Variants in SMARCA5 observed in about 807,000 individuals in gnomAD.
SMARCA5 encodes the protein SNF2 related chromatin remodeling ATPase 5, also known as SWI/SNF-related matrix-associated actin-dependent regulator of chromatin subfamily A member 5.
A neutral mutation model predicts 140.4 loss-of-function variants in SMARCA5; 18 were observed. The ratio of observed to expected loss-of-function variants is 0.13; its 90% CI spans 0.09 to 0.19. The LOEUF is 0.19. Among genes scored for constraint, SMARCA5 ranks in the 10% least tolerant of loss-of-function variants. The probability of loss-of-function intolerance (pLI) is 1.00; values close to 1 mark genes in which losing one functional copy is unlikely to be tolerated. For missense variants in SMARCA5, 606 were observed against 1,276.8 expected, an observed-to-expected ratio of 0.47 and a Z score of 8.01; for synonymous variants, 449 against 419.6, an observed-to-expected ratio of 1.07 and a Z score of -0.86.
At chr4:143,525,045 C>CTT (rs57339802) in intron 4 of SMARCA5, among the ~76,000 whole-genome samples, 2 of 137,592 alleles carry the variant, frequency 1.5e-5, no homozygotes, top group Non-Finnish European at 3.2e-5. Context: ...TTTCCTATTT[C>CTT]TTTTTTTTTT....
intron 8 of SMARCA5, 80 bp downstream of exon 8, chr4:143,528,794 C>A: frequency 7.8e-7 from 1 of 1,277,654 alleles, no homozygotes; most frequent in Non-Finnish European, 1.1e-6. Flanking sequence ...AGTGGCCTGC[C>A]TTTTAGCATG....
At position 143,513,817 on chromosome 4, in the gene SMARCA5, T is replaced by G; in HGVS notation, c.-108T>G. The G allele has an allele frequency of 1.5e-6, 2 of 1,303,018 alleles. No individual in the cohort carries two copies. The highest frequency in any genetic ancestry group is 2.1e-6 in the Non-Finnish European group (2 of 964,372). The allele number at this position is 1,303,018 out of a possible 1,614,324, so 80.7% of individuals were successfully genotyped here. A position where few individuals can be genotyped will look rare whatever the true frequency, so the allele number is the denominator to read the frequency against. On this transcript the variant is annotated 5_prime_UTR_variant, in exon 1 of 24. Coordinates refer to ENST00000283131, the MANE Select transcript of SMARCA5 (RefSeq NM_003601.4). The stretch of plus-strand genomic sequence containing the variant: ...GCAGGGGAGCGCTCGGGTGGGAGTC[T>G]CGCTCCTCCACCAGTTTATTGCGAC...
chr4:143,533,333 T>C (rs1292636515), intron 9 of SMARCA5, among the ~76,000 whole-genome samples: 1 of 152,124 alleles, frequency 6.6e-6, no homozygotes, highest in East Asian at 1.9e-4. Flanking sequence ...TCTAGAGTGT[T>C]CTATTTGGGT....
In SMARCA5 at chr4:143,544,737, A is replaced by C; in HGVS notation, c.2173A>C (p.Ile725Leu). Residue 725 changes from isoleucine (I) to leucine (L), a missense_variant and splice_region_variant, in exon 17 of 24, where the codon ATT becomes CTT. Coordinates refer to ENST00000283131, the MANE Select transcript of SMARCA5 (RefSeq NM_003601.4). Reference protein sequence around the residue: ...EGEDYREKQKIAFTEWIEPPK... With the variant: ...EGEDYREKQKLAFTEWIEPPK... The stretch of plus-strand genomic sequence containing the variant: ...ATTTGAGTTGTTTCCCATGTGCTAG[A>C]TTGCATTCACAGAGTGGATTGAACC... The C allele has an allele frequency of 6.3e-7, 1 of 1,575,274 alleles. No individual in the cohort carries two copies. Among genetic ancestry groups the C allele is most frequent in the Non-Finnish European group, 8.7e-7 (1 of 1,150,200 alleles).
Position 143,528,097 on chromosome 4 carries a change from CT to C in SMARCA5, c.957+77del, listed in dbSNP as rs560853195. On this transcript the variant is annotated intron_variant, in intron 7 of 23. Transcript: ENST00000283131. Reference sequence around the variant, plus strand: ...AAGTACAGATTTTTTTTTCTTTTAACTTTAAGTTATGAGATACATGTGCAGA... The same window carrying C: ...AAGTACAGATTTTTTTTTCTTTTAACTTAAGTTATGAGATACATGTGCAGA... 1.7e-3 allele frequency: 2,076 copies of C among 1,208,802 alleles called. 3 individuals carry two copies. The highest frequency in any genetic ancestry group is 2.1e-3 in the Non-Finnish European group (1,901 of 893,246). The allele number at this position is 1,208,802 out of a possible 1,614,324, so 74.9% of individuals were successfully genotyped here. A position where few individuals can be genotyped will look rare whatever the true frequency, so the allele number is the denominator to read the frequency against.
Position 143,555,417 on chromosome 4 carries a change from T to C in SMARCA5, c.*2233T>C. ...AAGCCACCACGATCACAGAACTTGA[T>C]GACTGTATTTGTGACTAATTGTATA... On this transcript the variant is annotated 3_prime_UTR_variant, in exon 24 of 24. Coordinates refer to ENST00000283131, the MANE Select transcript of SMARCA5 (RefSeq NM_003601.4). 1.6e-6 allele frequency: 1 copy of C among 632,368 alleles called. No individual in the cohort carries two copies. Among genetic ancestry groups the C allele is most frequent in the Non-Finnish European group, 2.9e-6 (1 of 341,004 alleles). The allele number at this position is 632,368 out of a possible 1,614,324, so 39.2% of individuals were successfully genotyped here. A position where few individuals can be genotyped will look rare whatever the true frequency, so the allele number is the denominator to read the frequency against.
rs927502241 is a variant in SMARCA5 at position 143,528,005 on chromosome 4, C to A, written c.939C>A (p.Ile313=). Residue 313 remains isoleucine, a synonymous_variant, in exon 7 of 24, where the codon ATC becomes ATA. Coordinates refer to ENST00000283131, the MANE Select transcript of SMARCA5 (RefSeq NM_003601.4). ...TAGTAATAGATGAAGCTCACAGGATCAAAAATGAAAAATCTAAGGTAATTT... is the reference window on the plus strand; with the variant it reads ...TAGTAATAGATGAAGCTCACAGGATAAAAAATGAAAAATCTAAGGTAATTT... ...RYLVIDEAHR[I]KNEKSKLSEI... The A allele has an allele frequency of 1.3e-6, 2 of 1,564,188 alleles. No homozygotes were observed. The highest frequency in any genetic ancestry group is 1.2e-5 in the South Asian group (1 of 82,360).
intron 5 of SMARCA5, 93 bp from the exon 6 acceptor site, chr4:143,526,187 CA>C: frequency 1.0e-6 from 1 of 988,534 alleles, no homozygotes. Context: ...AAATATGTAG[CA>C]TTTCTTTTGA....
intron 23 of SMARCA5, among the ~76,000 whole-genome samples, chr4:143,552,875 A>G (rs1343527787): frequency 2.0e-5 from 3 of 151,958 alleles, no homozygotes; most frequent in Non-Finnish European, 4.4e-5. Flanking sequence ...ACTACTGTTA[A>G]TTGTGCATTA....
At position 143,555,513 on chromosome 4, in the gene SMARCA5, C is replaced by A; in HGVS notation, c.*2329C>A. 2.3e-6 allele frequency: 1 copy of A among 436,290 alleles called. No individual in the cohort carries two copies. The highest frequency in any genetic ancestry group is 4.2e-6 in the Non-Finnish European group (1 of 237,520). 27.0% of individuals were successfully genotyped at this position (436,290 alleles called of 1,614,324 possible). On this transcript the variant is annotated 3_prime_UTR_variant, in exon 24 of 24. Transcript: ENST00000283131. ...CAGTGTAGATTGTTTTGTTTTGTACCCATGCTGTTGATTGCTAAATGTTTT... is the reference window on the plus strand; with the variant it reads ...CAGTGTAGATTGTTTTGTTTTGTACACATGCTGTTGATTGCTAAATGTTTT...
Position 143,525,446 on chromosome 4 carries a change from C to G in SMARCA5, c.521-5C>G, listed in dbSNP as rs1009359524. On this transcript the variant is annotated splice_polypyrimidine_tract_variant and splice_region_variant and intron_variant, in intron 4 of 23. Transcript: ENST00000283131. The stretch of plus-strand genomic sequence containing the variant: ...ATGCCTATTGTGCTTTTCTTTTGTT[C>G]TTAGATGTAAAATGGGGTAAACTGA... 3 of 1,592,288 alleles carry G rather than the reference C, an allele frequency of 1.9e-6. No homozygotes were observed. In the African/African-American group the frequency reaches 4.0e-5, roughly 21 times the overall value.
intron 9 of SMARCA5, among the ~76,000 whole-genome samples, chr4:143,531,893 C>A (rs1476759668): frequency 6.6e-6 from 1 of 152,186 alleles, no homozygotes; most frequent in Non-Finnish European, 1.5e-5. Context: ...CTGAACCAGC[C>A]AGGCTGAGGC....
chr4:143,545,412 A>T, intron 17 of SMARCA5, 58 bp from the exon 18 acceptor site: 1 of 1,069,990 alleles, frequency 9.3e-7, no homozygotes, highest in Non-Finnish European at 1.4e-6. Context: ...AGGACTAAGG[A>T]TACATTTAAA....
Position 143,527,848 on chromosome 4 carries a change from T to A in SMARCA5, c.802-20T>A. ...GTAGTTTATTTCTACGTGATGTAAT[T>A]TTTTTCTCTTGTTACACAGGCTGCT... is the stretch of plus-strand genomic sequence containing the variant. On this transcript the variant is annotated intron_variant, in intron 6 of 23. Transcript: ENST00000283131. The A allele has an allele frequency of 6.3e-7, 1 of 1,582,382 alleles. No homozygotes were observed. Among genetic ancestry groups the A allele is most frequent in the Non-Finnish European group, 8.5e-7 (1 of 1,170,990 alleles).
intron 4 of SMARCA5, 116 bp downstream of exon 4, chr4:143,524,583 G>A (rs1379076139): frequency 1.6e-6 from 1 of 621,226 alleles, no homozygotes; most frequent in African/African-American, 1.9e-5. Context: ...AGTCTTAGAT[G>A]TTTATTGGTT....
chr4:143,542,269 C>T (rs1737443290), intron 14 of SMARCA5, among the ~76,000 whole-genome samples: 1 of 152,148 alleles, frequency 6.6e-6, no homozygotes, highest in Non-Finnish European at 1.5e-5. Context: ...AGCAAACCTT[C>T]AGGCTAATAG....
At chr4:143,538,746 T>A (rs748851143) in intron 12 of SMARCA5, 35 bp downstream of exon 12, 2 of 1,613,334 alleles carry the variant, frequency 1.2e-6, no homozygotes, top group African/African-American at 1.3e-5. Context: ...TAAAAAAGAA[T>A]CAGATAAATT....
At chr4:143,542,694 A>C (rs1578802927) in intron 14 of SMARCA5, among the ~76,000 whole-genome samples, 1 of 152,276 alleles carries the variant, frequency 6.6e-6, no homozygotes, top group Non-Finnish European at 1.5e-5. Flanking sequence ...GAGGGTGAAA[A>C]CAAGTCTTTC....
rs764606869 is a variant in SMARCA5, at chr4:143,513,756, C to T, written c.-169C>T. On this transcript the variant is annotated 5_prime_UTR_variant, in exon 1 of 24. Transcript: ENST00000283131. ...GCAGAACGTTTGGGAGTGTGCAGCT[C>T]CTGGGCCCGGCTCAGGCCCGTCGCG... The T allele has an allele frequency of 4.1e-5, 29 of 703,066 alleles. No homozygotes were observed. Among genetic ancestry groups the T allele is most frequent in the Non-Finnish European group, 5.8e-5 (25 of 433,374 alleles). The allele number at this position is 703,066 out of a possible 1,614,324, so 43.6% of individuals were successfully genotyped here. A position where few individuals can be genotyped will look rare whatever the true frequency, so the allele number is the denominator to read the frequency against.
Sources: allele counts gnomAD v4.1 joint callset (sites outside exome capture counted in the v4.1 genomes callset), GRCh38; gene constraint gnomAD v4.1.1; transcripts MANE v1.5; gene names NCBI Gene and HGNC (gene_info 2026-07-23, HGNC 2026-07-21).